HDAC9: variants seen among roughly 807,000 people sequenced by gnomAD.
The protein encoded by HDAC9 is MEF-2 interacting transcription repressor (MITR) protein.
A neutral mutation model predicts 139.4 loss-of-function variants in HDAC9; 41 were observed. The observed-to-expected ratio is 0.29, with a 90% CI of 0.23 to 0.38. The LOEUF (loss-of-function observed/expected upper bound fraction) is 0.38. HDAC9 is among the 10% of genes least tolerant of loss of function. The probability of loss-of-function intolerance (pLI) is 1.00; values close to 1 mark genes in which losing one functional copy is unlikely to be tolerated. For synonymous variants in HDAC9, 517 were observed against 476.2 expected, an observed-to-expected ratio of 1.09 and a Z score of -1.12; for missense variants, 1,147 against 1,297.0, an observed-to-expected ratio of 0.88 and a Z score of 1.78.
At chr7:18,531,006 C>A (rs1291710710) in intron 2 of HDAC9, among the ~76,000 whole-genome samples, 1 of 151,920 alleles carries the variant, frequency 6.6e-6, no homozygotes, top group Non-Finnish European at 1.5e-5. Context: ...CAATTTTTTA[C>A]TCGTATGCTT....
At chr7:18,799,721 A>G (rs1793131272) in intron 17 of HDAC9, among the ~76,000 whole-genome samples, 1 of 152,216 alleles carries the variant, frequency 6.6e-6, no homozygotes, top group South Asian at 2.1e-4. Flanking sequence ...ATCTAGTCTG[A>G]AGACCAGGAA....
In HDAC9 at chr7:18,715,971, A is replaced by G. The variant is rs1784668820; in HGVS notation, c.1732-11609A>G. Among the ~76,000 whole-genome samples, 3 of 152,198 alleles carry G rather than the reference A, an allele frequency of 2.0e-5. No homozygotes were observed. In the South Asian group the frequency reaches 6.2e-4, roughly 31 times the overall value. On this transcript the variant is annotated intron_variant, in intron 12 of 25. Coordinates refer to ENST00000686413, the MANE Select transcript of HDAC9 (RefSeq NM_178425.4). Reference sequence around the variant, plus strand: ...GAGAATATCTGTTCAAGATAAATCTATCCAATTCATGTGTCTTAAATAGAA... The same window carrying G: ...GAGAATATCTGTTCAAGATAAATCTGTCCAATTCATGTGTCTTAAATAGAA...
chr7:18,788,422 T>C (rs919029495), intron 16 of HDAC9, among the ~76,000 whole-genome samples: 2 of 152,102 alleles, frequency 1.3e-5, no homozygotes, highest in Admixed American at 6.6e-5. Context: ...GACTTTATTA[T>C]ATGGTGGCCA....
chr7:18,897,122 T>A (rs1409813551), intron 22 of HDAC9, among the ~76,000 whole-genome samples: 1 of 151,746 alleles, frequency 6.6e-6, no homozygotes, highest in Non-Finnish European at 1.5e-5. Flanking sequence ...TAATAAATTT[T>A]AAAAATAGAA....
intron 1 of HDAC9, among the ~76,000 whole-genome samples, chr7:18,323,565 A>T (rs1370053852): frequency 6.6e-6 from 1 of 152,116 alleles, no homozygotes; most frequent in Non-Finnish European, 1.5e-5. Flanking sequence ...GGCTTTAACA[A>T]ATTTGAATCC....
chr7:18,239,527 T>C (rs949663324), intron 2 of HDAC9, among the ~76,000 whole-genome samples: 9 of 152,194 alleles, frequency 5.9e-5, no homozygotes, highest in Non-Finnish European at 8.8e-5. Context: ...CCTGACCACC[T>C]TGGTTTTTTT....
intron 1 of HDAC9, among the ~76,000 whole-genome samples, chr7:18,470,048 A>G (rs1161820160): frequency 6.6e-6 from 1 of 152,160 alleles, no homozygotes; most frequent in Non-Finnish European, 1.5e-5. Flanking sequence ...TTTTAATTTA[A>G]GAAACAGGGC....
At chr7:18,436,591 G>A (rs1049239243) in intron 1 of HDAC9, among the ~76,000 whole-genome samples, 12 of 152,298 alleles carry the variant, frequency 7.9e-5, no homozygotes, top group African/African-American at 2.2e-4. Flanking sequence ...TTAATTTAAC[G>A]TCTTTGCACG....
At chr7:18,475,801 A>G (rs2128123770) in intron 1 of HDAC9, among the ~76,000 whole-genome samples, 2 of 152,352 alleles carry the variant, frequency 1.3e-5, no homozygotes, top group East Asian at 3.9e-4. Flanking sequence ...TGTCAGTCAT[A>G]AACAGCAAAA....
intron 1 of HDAC9, among the ~76,000 whole-genome samples, chr7:18,398,061 A>G (rs1787213685): frequency 1.3e-5 from 2 of 152,184 alleles, no homozygotes; most frequent in South Asian, 4.1e-4. Flanking sequence ...CCAACCTGAA[A>G]TTCCAAGTTT....
At chr7:18,435,772 G>A (rs548081772) in intron 1 of HDAC9, among the ~76,000 whole-genome samples, 1 of 151,444 alleles carries the variant, frequency 6.6e-6, no homozygotes. Context: ...ATTGGAGAAA[G>A]ATTAAACTAG....
upstream of HDAC9, among the ~76,000 whole-genome samples, chr7:18,287,591 G>T (rs1797533731): frequency 6.6e-6 from 1 of 152,214 alleles, no homozygotes; most frequent in Non-Finnish European, 1.5e-5. Context: ...CTGGGGCTCA[G>T]AATCCTGGTT....
At chr7:18,278,117 G>A (rs1796866979) in intron 2 of HDAC9, among the ~76,000 whole-genome samples, 1 of 152,170 alleles carries the variant, frequency 6.6e-6, no homozygotes, top group Non-Finnish European at 1.5e-5. Flanking sequence ...TACTTCACCA[G>A]CTATGTTCCA....
chr7:18,111,915 T>C (rs1783645663), intron 1 of HDAC9, among the ~76,000 whole-genome samples: 1 of 152,222 alleles, frequency 6.6e-6, no homozygotes, highest in African/African-American at 2.4e-5. Flanking sequence ...CTGTATTTCC[T>C]GCCAGTGGTG....
At chr7:18,205,804 T>C (rs1791466004) in intron 2 of HDAC9, among the ~76,000 whole-genome samples, 2 of 152,152 alleles carry the variant, frequency 1.3e-5, no homozygotes, top group Admixed American at 6.5e-5. Context: ...ATGGATATTA[T>C]TTGTGACAGT....
intron 12 of HDAC9, among the ~76,000 whole-genome samples, chr7:18,715,234 G>A (rs1011160966): frequency 6.9e-6 from 1 of 144,404 alleles, no homozygotes; most frequent in African/African-American, 2.6e-5. Context: ...CTATTTTAAG[G>A]GGAAAGTGTT....
chr7:18,697,719 C>G (rs1783155492), intron 12 of HDAC9, among the ~76,000 whole-genome samples: 2 of 152,240 alleles, frequency 1.3e-5, no homozygotes, highest in South Asian at 4.2e-4. Context: ...GAGGAAATTC[C>G]TTTCAGGGGT....
intron 1 of HDAC9, among the ~76,000 whole-genome samples, chr7:18,296,365 C>T (rs1030154321): frequency 1.3e-5 from 2 of 151,394 alleles, no homozygotes; most frequent in African/African-American, 2.4e-5. Context: ...AGATCTACGT[C>T]TTTAAAAATA....
intron 14 of HDAC9, among the ~76,000 whole-genome samples, chr7:18,753,137 A>G (rs939437564): frequency 2.0e-5 from 3 of 152,262 alleles, no homozygotes; most frequent in African/African-American, 4.8e-5. Flanking sequence ...CCTGTCTTCA[A>G]GAAGGTTACT....
Sources: gnomAD v4.1 joint callset for allele counts (sites outside exome capture counted in the v4.1 genomes callset) on GRCh38, gnomAD v4.1.1 for gene constraint, MANE v1.5 for transcripts, NCBI Gene and HGNC (gene_info 2026-07-23, HGNC 2026-07-21) for gene names.